The following SFTPB variants were observed in gnomAD, a reference collection of about 807,000 sequenced individuals.
The protein encoded by SFTPB is pulmonary surfactant-associated protein B.
A neutral mutation model predicts 51.0 loss-of-function variants in SFTPB; 32 were observed. The observed-to-expected ratio is 0.63, with a 90% confidence interval of 0.47 to 0.84. The LOEUF is 0.84. Among genes scored for constraint, SFTPB ranks in the 40% least tolerant of loss-of-function variants. SFTPB has a pLI of 0.00. For synonymous variants in SFTPB, 211 were observed against 208.5 expected, an observed-to-expected ratio of 1.01 and a Z score of -0.10; for missense variants, 431 against 491.2, an observed-to-expected ratio of 0.88 and a Z score of 1.16.
chr2:85,663,406 C>G lies in SFTPB; in HGVS notation c.942G>C (p.Glu314Asp). 1 of 1,613,958 alleles carries G rather than the reference C, an allele frequency of 6.2e-7. No homozygotes were observed. Among genetic ancestry groups the G allele is most frequent in the Non-Finnish European group, 8.5e-7 (1 of 1,180,034 alleles). Reference protein sequence around the residue: ...SVTTQAGNSSEQAIPQAMLQA... With the variant: ...SVTTQAGNSSDQAIPQAMLQA... ...GGAGCATTGCCTGTGGTATGGCCTGCTCGCTGCTGTTCCCGGCCTGGGTGG... is the reference window on the plus strand; with the variant it reads ...GGAGCATTGCCTGTGGTATGGCCTGGTCGCTGCTGTTCCCGGCCTGGGTGG... Residue 314 changes from glutamate to aspartate, a missense_variant, in exon 8 of 11, where the codon GAG becomes GAC. Transcript: ENST00000519937.
intron 4 of SFTPB, among the ~76,000 whole-genome samples, chr2:85,666,116 T>C (rs1677576108): frequency 6.6e-6 from 1 of 151,776 alleles, no homozygotes; most frequent in East Asian, 1.9e-4. Flanking sequence ...TGGGGGCCCA[T>C]GGTCGGGTGC....
intron 10 of SFTPB, among the ~76,000 whole-genome samples, chr2:85,659,949 G>A (rs959804972): frequency 6.6e-6 from 1 of 152,140 alleles, no homozygotes; most frequent in Non-Finnish European, 1.5e-5. Flanking sequence ...CTGAGTGGGG[G>A]AGGACCTCCC....
Position 85,661,518 on chromosome 2 carries a change from C to A in SFTPB, c.1101G>T (p.Gly367=). 6.2e-7 allele frequency: 1 copy of A among 1,611,584 alleles called. No individual in the cohort carries two copies. Among genetic ancestry groups the A allele is most frequent in the South Asian group, 1.1e-5 (1 of 90,400 alleles). ...TACACTGGAGAGGGCTGGACATGGT[C>A]CCACACACCCCGAGGGCCTGTCACA... is the stretch of plus-strand genomic sequence containing the variant. The part of the protein sequence containing the change: ...HTTCQALGVC[G]TMSSPLQCIH... Residue 367 remains glycine, a synonymous_variant, in exon 10 of 11, where the codon GGG becomes GGT. Transcript: ENST00000519937.
In SFTPB at chr2:85,661,880, C is replaced by T. The variant is rs1677321200; in HGVS notation, c.1083+149G>A. The T allele has an allele frequency of 2.8e-5, 20 of 705,026 alleles. No individual in the cohort carries two copies. In the East Asian group the frequency reaches 5.2e-4, roughly 18 times the overall value. The allele number at this position is 705,026 out of a possible 1,614,324, so 43.7% of individuals were successfully genotyped here. A position where few individuals can be genotyped will look rare whatever the true frequency, so the allele number is the denominator to read the frequency against. ...GCTCTCATGATTTTTTACACTGAAA[C>T]AGAGAGGGGTGCCTCCCAGTCCCTG... On this transcript the variant is annotated intron_variant, in intron 9 of 10. Transcript: ENST00000519937.
intron 1 of SFTPB, 46 bp from the exon 2 acceptor site, chr2:85,667,852 C>A: frequency 1.2e-6 from 2 of 1,613,570 alleles, no homozygotes. Flanking sequence ...CCAGGCTACA[C>A]ACCTGGCATC....
At chr2:85,661,880 C>CA in intron 9 of SFTPB, 149 bp downstream of exon 9, 1 of 705,028 alleles carries the variant, frequency 1.4e-6, no homozygotes, top group South Asian at 1.8e-5. Context: ...TACACTGAAA[C>CA]AGAGAGGGGT....
At chr2:85,662,840 CAAAAAAAAAAAAAAAAA>C (rs34015129) in intron 8 of SFTPB, among the ~76,000 whole-genome samples, 2 of 27,658 alleles carry the variant, frequency 7.2e-5, no homozygotes, top group African/African-American at 1.6e-4. Context: ...AACTCCATCT[CAAAAAAAAAAAAAAAAA>C]AAAAAAAAAG....
chr2:85,662,068 G>T lies in SFTPB; in HGVS notation c.1044C>A (p.Thr348=). The T allele has an allele frequency of 6.2e-7, 1 of 1,604,048 alleles. No individual in the cohort carries two copies. The stretch of plus-strand genomic sequence containing the variant: ...GGGCATCCCAGCCCCTGGGCACCAG[G>T]GTCAGCAGCTGGGGCGTGTGCTGCT... ...FVEQHTPQLL[T]LVPRGWDAHT... Residue 348 remains threonine (T), a synonymous_variant, in exon 9 of 11, where the codon ACC becomes ACA. Transcript: ENST00000519937.
chr2:85,661,916 C>T (rs1677324550), intron 9 of SFTPB, 113 bp downstream of exon 9: 1 of 1,032,472 alleles, frequency 9.7e-7, no homozygotes, highest in Non-Finnish European at 1.4e-6. Context: ...GCCCGTGCAC[C>T]TGGGACCACC....
In SFTPB at chr2:85,663,901, ACT is replaced by A. The variant is rs1677446727; in HGVS notation, c.673-56_673-55del. The A allele has an allele frequency of 3.9e-5, 59 of 1,511,544 alleles. 1 individual carries two copies. In the South Asian group the frequency reaches 5.8e-4, roughly 15 times the overall value. The allele number at this position is 1,511,544 out of a possible 1,614,324, so 93.6% of individuals were successfully genotyped here. ...TGGGACCTTCACTTGGCAAGCCTCC[ACT>A]CTCTGCCCAGCACCCAGCTGGGCAC... is the stretch of plus-strand genomic sequence containing the variant. On this transcript the variant is annotated intron_variant, in intron 6 of 10. Transcript: ENST00000519937.
chr2:85,665,364 C>A lies in SFTPB; in HGVS notation c.597G>T (p.Gln199His). ...PGPHTQDLSE[Q>H]QFPIPLPYCW... ...AATAGGGGAGAGGAATGGGGAATTG[C>A]TGCTCGGAGAGATCCTGGGGAAAGA... The change falls in exon 6 of 11, where the codon CAG becomes CAT. Residue 199 changes from glutamine to histidine, a missense_variant. Transcript: ENST00000519937. 1 of 1,613,928 alleles carries A rather than the reference C, an allele frequency of 6.2e-7. No individual in the cohort carries two copies. Among genetic ancestry groups the A allele is most frequent in the South Asian group, 1.1e-5 (1 of 91,082 alleles).
Position 85,665,317 on chromosome 2 carries a change from A to G in SFTPB, c.644T>C (p.Ile215Thr). The change falls in exon 6 of 11, where the codon ATC becomes ACC. Residue 215 changes from isoleucine (I) to threonine (T), a missense_variant. Physicochemically the swap from Ile to Thr is moderately conservative, Grantham distance 89. Transcript: ENST00000519937. ...GGGAATCATGGCTTGGATCCGCTTG[A>G]TCAGAGCCCTGCAGAGCCAGCAATA... Reference protein sequence around the residue: ...LPYCWLCRALIKRIQAMIPKG... With the variant: ...LPYCWLCRALTKRIQAMIPKG... 5 of 1,614,056 alleles carry G rather than the reference A, an allele frequency of 3.1e-6. No individual in the cohort carries two copies. The highest frequency in any genetic ancestry group is 4.2e-6 in the Non-Finnish European group (5 of 1,179,978).
chr2:85,660,462 T>C (rs1486093921), intron 10 of SFTPB, among the ~76,000 whole-genome samples: 123 of 145,178 alleles, frequency 8.5e-4, no homozygotes, highest in Non-Finnish European at 1.3e-3. Flanking sequence ...TTTTTTTTTT[T>C]TTCCTGAGAC....
intron 8 of SFTPB, among the ~76,000 whole-genome samples, chr2:85,662,840 CAAAAAAAAAAAAAA>C (rs34015129): frequency 6.9e-4 from 19 of 27,668 alleles, no homozygotes; most frequent in African/African-American, 1.4e-3. Flanking sequence ...AACTCCATCT[CAAAAAAAAAAAAAA>C]AAAAAAAAAA....
intron 6 of SFTPB, among the ~76,000 whole-genome samples, chr2:85,664,347 G>A (rs1381901619): frequency 3.3e-5 from 5 of 152,082 alleles, no homozygotes; most frequent in African/African-American, 9.7e-5. Flanking sequence ...TGGTCCTCAC[G>A]CTCCAGGCCC....
At chr2:85,660,985 C>T (rs1239581443) in intron 10 of SFTPB, among the ~76,000 whole-genome samples, 1 of 152,196 alleles carries the variant, frequency 6.6e-6, no homozygotes, top group Non-Finnish European at 1.5e-5. Context: ...TGACTTAGAA[C>T]AGGACAGTCA....
intron 4 of SFTPB, among the ~76,000 whole-genome samples, chr2:85,666,371 G>T (rs1412880815): frequency 1.5e-5 from 2 of 134,138 alleles, no homozygotes; most frequent in Non-Finnish European, 3.3e-5. Context: ...GTGTGTGTGT[G>T]TGTCCGGCCA....
In SFTPB at chr2:85,666,647, G is replaced by A. The variant is rs1677658514; in HGVS notation, c.363C>T (p.Pro121=). ...QCNQVLDDYF[P]LVIDYFQNQT... is the part of the protein sequence containing the mutation. ...GGTTCTGGAAGTAGTCGATGACCAG[G>A]GGGAAGTAGTCGTCAAGCACTTGGT... Residue 121 remains proline (P), a synonymous_variant, in exon 4 of 11, where the codon CCC becomes CCT. Coordinates refer to ENST00000519937, the MANE Select transcript of SFTPB (RefSeq NM_000542.5). The A allele has an allele frequency of 1.2e-6, 2 of 1,613,600 alleles. No individual in the cohort carries two copies. The highest frequency in any genetic ancestry group is 1.7e-6 in the Non-Finnish European group (2 of 1,179,806).
intron 2 of SFTPB, 55 bp downstream of exon 2, chr2:85,667,624 C>G: frequency 6.2e-7 from 1 of 1,613,656 alleles, no homozygotes; most frequent in South Asian, 1.1e-5. Context: ...CCAGAGCCCA[C>G]CCAGCACCCT....
Sources: allele counts gnomAD v4.1 joint callset (sites outside exome capture counted in the v4.1 genomes callset), GRCh38; gene constraint gnomAD v4.1.1; transcripts MANE v1.5; gene names NCBI Gene and HGNC (gene_info 2026-07-23, HGNC 2026-07-21).